ASIC2: variants seen among roughly 807,000 people sequenced by gnomAD.
ASIC2 encodes acid sensing ion channel subunit 2, also known as acid-sensing ion channel 2.
In ASIC2, 25 loss-of-function variants were observed where a neutral mutation model predicts 57.3. That is an observed-to-expected ratio of 0.44 (90% CI 0.32 to 0.61). The LOEUF (loss-of-function observed/expected upper bound fraction) is 0.61. Among genes scored for constraint, ASIC2 ranks in the 20% least tolerant of loss-of-function variants. The pLI is 0.06. For missense variants in ASIC2, 641 were observed against 738.1 expected (o/e 0.87, Z 1.52); for synonymous variants, 319 against 307.5 (o/e 1.04, Z -0.39).
intron 1 of ASIC2, among the ~76,000 whole-genome samples, chr17:33,667,793 C>G (rs186484288): frequency 1.3e-5 from 2 of 152,154 alleles, no homozygotes; most frequent in African/African-American, 4.8e-5. Flanking sequence ...GAAATCTAGT[C>G]GTCAGAAGGT....
chr17:33,038,068 C>T (rs532344725), intron 3 of ASIC2, among the ~76,000 whole-genome samples: 3 of 152,262 alleles, frequency 2.0e-5, no homozygotes, highest in East Asian at 3.9e-4. Context: ...TGCAGAACCT[C>T]GAACTCCTCT....
chr17:33,524,173 T>G (rs554516207), intron 1 of ASIC2, among the ~76,000 whole-genome samples: 174 of 152,342 alleles, frequency 1.1e-3, no homozygotes, highest in Non-Finnish European at 2.0e-3. Flanking sequence ...TTCTGCCCAG[T>G]TCTTGCTAAT....
chr17:33,734,426 T>C (rs1909848518), intron 1 of ASIC2, among the ~76,000 whole-genome samples: 1 of 152,180 alleles, frequency 6.6e-6, no homozygotes, highest in Admixed American at 6.5e-5. Context: ...GTCATTTCTC[T>C]CTCTGTATTA....
At chr17:34,031,366 C>T (rs1390544018) in intron 1 of ASIC2, among the ~76,000 whole-genome samples, 1 of 152,138 alleles carries the variant, frequency 6.6e-6, no homozygotes, top group African/African-American at 2.4e-5. Context: ...ATCTGTACCT[C>T]ACCATCATCA....
chr17:33,261,142 A>G (rs1909264941), intron 1 of ASIC2, among the ~76,000 whole-genome samples: 1 of 152,220 alleles, frequency 6.6e-6, no homozygotes, highest in Non-Finnish European at 1.5e-5. Flanking sequence ...CTGGTTTGCC[A>G]TCAGTAATTT....
At chr17:33,437,418 T>C (rs1364996293) in intron 1 of ASIC2, among the ~76,000 whole-genome samples, 2 of 152,350 alleles carry the variant, frequency 1.3e-5, no homozygotes, top group East Asian at 1.9e-4. Flanking sequence ...CTATTTCTTT[T>C]ATATTAAAAT....
At chr17:33,098,669 T>C (rs1033194437) in intron 2 of ASIC2, among the ~76,000 whole-genome samples, 1 of 152,232 alleles carries the variant, frequency 6.6e-6, no homozygotes, top group African/African-American at 2.4e-5. Flanking sequence ...AGCACACTAG[T>C]ATTTTAAAGA....
chr17:33,640,796 T>G (rs1597817829), intron 1 of ASIC2, among the ~76,000 whole-genome samples: 1 of 152,330 alleles, frequency 6.6e-6, no homozygotes, highest in East Asian at 1.9e-4. Context: ...TAGGTATTGC[T>G]GAGGCTGAGC....
At chr17:33,993,944 A>G (rs1292161992) in intron 1 of ASIC2, among the ~76,000 whole-genome samples, 4 of 152,096 alleles carry the variant, frequency 2.6e-5, no homozygotes, top group South Asian at 2.1e-4. Flanking sequence ...ATCTTTTTCT[A>G]TATACAACCT....
At chr17:33,700,916 A>G (rs1469344283) in intron 1 of ASIC2, among the ~76,000 whole-genome samples, 2 of 152,136 alleles carry the variant, frequency 1.3e-5, no homozygotes, top group Admixed American at 6.5e-5. Context: ...AAGAATCACA[A>G]ATCTGACCTC....
At chr17:33,356,821 A>C (rs1908394166) in intron 1 of ASIC2, among the ~76,000 whole-genome samples, 1 of 152,042 alleles carries the variant, frequency 6.6e-6, no homozygotes, top group Non-Finnish European at 1.5e-5. Context: ...GATGCAGCTT[A>C]GGGATCCAAG....
chr17:33,310,096 AT>A (rs1286470186), intron 1 of ASIC2, among the ~76,000 whole-genome samples: 1 of 151,560 alleles, frequency 6.6e-6, no homozygotes, highest in Non-Finnish European at 1.5e-5. Context: ...TTGTTATACC[AT>A]TATTTGATGC....
chr17:33,782,573 C>CA (rs1034632313), intron 1 of ASIC2, among the ~76,000 whole-genome samples: 1 of 151,980 alleles, frequency 6.6e-6, no homozygotes, highest in African/African-American at 2.4e-5. Flanking sequence ...CTAAAAAACA[C>CA]AAAAAATTAG....
intron 3 of ASIC2, among the ~76,000 whole-genome samples, chr17:33,055,635 A>G (rs996137993): frequency 6.6e-6 from 1 of 152,134 alleles, no homozygotes; most frequent in African/African-American, 2.4e-5. Flanking sequence ...TTGGCAGTGT[A>G]TTTCTACTAA....
At chr17:34,095,653 AT>A (rs1910507821) in intron 1 of ASIC2, among the ~76,000 whole-genome samples, 1 of 99,602 alleles carries the variant, frequency 1.0e-5, no homozygotes, top group Non-Finnish European at 2.0e-5. Flanking sequence ...ATATATATAT[AT>A]AATTTTATAT....
intron 1 of ASIC2, among the ~76,000 whole-genome samples, chr17:33,787,418 A>G (rs1911638738): frequency 6.6e-6 from 1 of 152,220 alleles, no homozygotes. Context: ...TTCAGAGCAG[A>G]GCTGATAGGA....
chr17:33,339,188 G>A (rs116668976), intron 1 of ASIC2, among the ~76,000 whole-genome samples: 5,303 of 152,258 alleles, frequency 0.035, 309 homozygotes, highest in African/African-American at 0.12. Context: ...AGCACAGGGT[G>A]TTGGGGAAGG....
intron 1 of ASIC2, among the ~76,000 whole-genome samples, chr17:33,215,785 C>T (rs1441757519): frequency 6.6e-6 from 1 of 151,874 alleles, no homozygotes; most frequent in Non-Finnish European, 1.5e-5. Context: ...CTGCAGGCTC[C>T]GCCCCCCGGG....
chr17:33,358,851 G>A (rs1283377905), intron 1 of ASIC2, among the ~76,000 whole-genome samples: 1 of 152,202 alleles, frequency 6.6e-6, no homozygotes, highest in Non-Finnish European at 1.5e-5. Flanking sequence ...ACGGAATGAT[G>A]TGAACCAGTA....
Sources: allele counts gnomAD v4.1 joint callset (sites outside exome capture counted in the v4.1 genomes callset), GRCh38; gene constraint gnomAD v4.1.1; transcripts MANE v1.5; gene names NCBI Gene and HGNC (gene_info 2026-07-23, HGNC 2026-07-21).